MICAL3: variants seen among roughly 807,000 people sequenced by gnomAD.
The protein encoded by MICAL3 is microtubule associated monooxygenase, calponin and LIM domain containing 3.
Under a neutral mutation model 207.4 loss-of-function variants are expected in MICAL3, and 62 were observed. The ratio of observed to expected loss-of-function variants is 0.30; its 90% CI spans 0.24 to 0.37. The LOEUF (loss-of-function observed/expected upper bound fraction) is 0.37, where lower values mean the gene tolerates loss of function less well. Among genes scored for constraint, MICAL3 ranks in the 10% least tolerant of loss-of-function variants. MICAL3 has a pLI of 1.00. For missense variants in MICAL3, 2,368 were observed against 2,635.6 expected, an observed-to-expected ratio of 0.90 and a Z score of 2.22; for synonymous variants, 1,077 against 1,069.3, an observed-to-expected ratio of 1.01 and a Z score of -0.14.
chr22:17,824,201 CG>C (rs1410566454), intron 22 of MICAL3, among the ~76,000 whole-genome samples: 1 of 152,128 alleles, frequency 6.6e-6, no homozygotes, highest in Non-Finnish European at 1.5e-5. Context: ...GACCACTGGC[CG>C]GGGGCCTGCG....
chr22:17,956,635 C>G (rs1043548930), intron 1 of MICAL3, among the ~76,000 whole-genome samples: 2 of 152,182 alleles, frequency 1.3e-5, no homozygotes, highest in African/African-American at 4.8e-5. Flanking sequence ...CGCCATTGCA[C>G]TCCAGCCTGG....
chr22:17,827,601 T>G, intron 22 of MICAL3, 43 bp downstream of exon 22: 1 of 1,508,334 alleles, frequency 6.6e-7, no homozygotes. Context: ...AGCAGGCGGG[T>G]GGTGCTCGGG....
intron 27 of MICAL3, chr22:17,811,560 T>C (rs906104702): frequency 6.6e-6 from 1 of 151,616 alleles, no homozygotes; most frequent in African/African-American, 2.4e-5. Flanking sequence ...GAAGAGGCAA[T>C]GGCCCAATCC....
At position 17,788,725 on chromosome 22, in the gene MICAL3, CG is replaced by C. The variant is rs1377079235; in HGVS notation, c.*2006del. 2 of 152,282 alleles carry C rather than the reference CG, an allele frequency of 1.3e-5. No homozygotes were observed. The highest frequency in any genetic ancestry group is 1.3e-4 in the Admixed American group (2 of 15,284). 9.4% of individuals were successfully genotyped at this position (152,282 alleles called of 1,614,324 possible). Reference sequence around the variant, plus strand: ...GGCGGCCACTAGCGGCGTTATCTCCCGGATGTGCATGGGAGAGAGATGGCAG... The same window carrying C: ...GGCGGCCACTAGCGGCGTTATCTCCCGATGTGCATGGGAGAGAGATGGCAG... On this transcript the variant is annotated 3_prime_UTR_variant, in exon 32 of 32. Transcript: ENST00000441493.
chr22:17,804,623 G>A (rs941443145), intron 29 of MICAL3, among the ~76,000 whole-genome samples: 10 of 152,138 alleles, frequency 6.6e-5, no homozygotes, highest in African/African-American at 2.2e-4. Flanking sequence ...TAATTTCCAC[G>A]CCTGAGATGC....
intron 1 of MICAL3, among the ~76,000 whole-genome samples, chr22:17,946,191 G>A (rs995864153): frequency 1.3e-5 from 2 of 152,114 alleles, no homozygotes; most frequent in African/African-American, 2.4e-5. Context: ...AGTTTTAACC[G>A]GAGCAGCTCT....
At chr22:17,911,034 G>A (rs1400306904) in intron 1 of MICAL3, among the ~76,000 whole-genome samples, 1 of 152,208 alleles carries the variant, frequency 6.6e-6, no homozygotes, top group Non-Finnish European at 1.5e-5. Flanking sequence ...GGGAGGAAGA[G>A]GAGGTGATGC....
intron 17 of MICAL3, among the ~76,000 whole-genome samples, chr22:17,869,421 C>T (rs913417035): frequency 2.6e-5 from 4 of 152,132 alleles, no homozygotes; most frequent in African/African-American, 9.7e-5. Context: ...ACGAGGGCCA[C>T]CCTGCACACA....
rs536057849 is a variant in MICAL3, at chr22:17,796,360, G to C, written c.5651-5059C>G. On this transcript the variant is annotated intron_variant, in intron 29 of 31. Transcript: ENST00000441493. This position sits in a 1 kb window ranked among gnomAD's most constrained non-coding sequence, Gnocchi z 4.4. ...GCAACAGTACACCACCAGGGAGTGA[G>C]GCCTGTCCAGAGCAGCGCATGAGAT... is the stretch of plus-strand genomic sequence containing the variant. Among the ~76,000 whole-genome samples the C allele has an allele frequency of 6.6e-6, 1 of 152,218 alleles. No homozygotes were observed. The highest frequency in any genetic ancestry group is 1.5e-5 in the Non-Finnish European group (1 of 68,036).
chr22:17,868,785 G>C (rs567452951), intron 17 of MICAL3, among the ~76,000 whole-genome samples: 5 of 152,020 alleles, frequency 3.3e-5, no homozygotes, highest in African/African-American at 7.2e-5. Flanking sequence ...ACCCAGGCCC[G>C]AGTGCCACTG....
chr22:17,947,726 G>A (rs761238609), intron 1 of MICAL3, among the ~76,000 whole-genome samples: 3 of 146,626 alleles, frequency 2.0e-5, no homozygotes, highest in Non-Finnish European at 3.0e-5. Context: ...CACCACACCC[G>A]GCTGATATTT....
intron 19 of MICAL3, among the ~76,000 whole-genome samples, chr22:17,857,264 C>T (rs1199933764): frequency 6.6e-6 from 1 of 152,202 alleles, no homozygotes; most frequent in Non-Finnish European, 1.5e-5. Context: ...AGCTCCGCCT[C>T]CTGTCAGATC....
intron 10 of MICAL3, among the ~76,000 whole-genome samples, chr22:17,894,431 AAATT>A (rs1225142627): frequency 6.6e-6 from 1 of 151,608 alleles, no homozygotes; most frequent in Non-Finnish European, 1.5e-5. Context: ...AAGAGAGAAA[AAATT>A]AGTTACTCGG....
At position 17,859,638 on chromosome 22, in the gene MICAL3, A is replaced by G. The variant is rs532571056; in HGVS notation, c.2605+5261T>C. On this transcript the variant is annotated intron_variant, in intron 19 of 31. Coordinates refer to ENST00000441493, the MANE Select transcript of MICAL3 (RefSeq NM_015241.3). Reference sequence around the variant, plus strand: ...GAGAGAAATCAGCTCAGGAAGAAAGAGCAAGAACTTTCAACCTTACCAGGA... The same window carrying G: ...GAGAGAAATCAGCTCAGGAAGAAAGGGCAAGAACTTTCAACCTTACCAGGA... 3.3e-5 allele frequency among the ~76,000 whole-genome samples: 5 copies of G among 152,382 alleles called. No homozygotes were observed. The South Asian group carries it at 1.0e-3, about 32-fold the overall frequency.
intron 1 of MICAL3, among the ~76,000 whole-genome samples, chr22:17,951,367 CTTACTA>C (rs772939465): frequency 6.6e-6 from 1 of 152,082 alleles, no homozygotes; most frequent in Non-Finnish European, 1.5e-5. Context: ...CTCCATCTAC[CTTACTA>C]TTGTCGGTGA....
At chr22:17,819,198 G>C in intron 25 of MICAL3, 69 bp from the exon 26 acceptor site, 1 of 1,401,738 alleles carries the variant, frequency 7.1e-7, no homozygotes, top group African/African-American at 1.4e-5. Flanking sequence ...TCCTCGGGGA[G>C]CCTTCTCACT....
At chr22:17,965,244 C>T (rs140140048) in intron 1 of MICAL3, among the ~76,000 whole-genome samples, 157 of 150,968 alleles carry the variant, frequency 1.0e-3, no homozygotes, top group African/African-American at 3.5e-3. Context: ...GCTGTGCTTG[C>T]GAGAGTCCTT....
At chr22:17,917,148 T>C (rs1338374501) in intron 1 of MICAL3, among the ~76,000 whole-genome samples, 3 of 151,854 alleles carry the variant, frequency 2.0e-5, no homozygotes, top group Admixed American at 2.0e-4. Context: ...CCCGTAGATT[T>C]ATCTACACAG....
At chr22:17,857,706 C>T (rs528486974) in intron 19 of MICAL3, among the ~76,000 whole-genome samples, 8 of 152,354 alleles carry the variant, frequency 5.3e-5, no homozygotes, top group East Asian at 1.9e-4. Flanking sequence ...CCAGCATGGC[C>T]CCAAGAGTCT....
Sources: gnomAD v4.1 joint callset for allele counts (sites outside exome capture counted in the v4.1 genomes callset) on GRCh38, gnomAD v4.1.1 for gene constraint, Gnocchi (gnomAD v3.1) non-coding constraint, MANE v1.5 for transcripts, NCBI Gene and HGNC (gene_info 2026-07-23, HGNC 2026-07-21) for gene names.